SMIM36: variants seen among roughly 807,000 people sequenced by gnomAD.
The protein encoded by SMIM36 is small integral membrane protein 36.
intron 2 of SMIM36, 120 bp from the exon 3 acceptor site, chr17:55,478,933 C>G (rs1053878690): frequency 1.3e-5 from 2 of 152,212 alleles, no homozygotes; most frequent in Non-Finnish European, 2.9e-5. Context: ...AACCCCTTTG[C>G]AGCAGCAGGG....
At chr17:55,461,554 A>C (rs539507977) in intron 4 of SMIM36, among the ~76,000 whole-genome samples, 32 of 152,294 alleles carry the variant, frequency 2.1e-4, no homozygotes, top group Non-Finnish European at 3.8e-4. Context: ...GTGAGCTGTG[A>C]TCATGCCACT....
chr17:55,483,938 A>T (rs895962569), intron 1 of SMIM36, among the ~76,000 whole-genome samples: 1 of 152,094 alleles, frequency 6.6e-6, no homozygotes, highest in Admixed American at 6.6e-5. Context: ...TGTGTCAACT[A>T]ATTTCTTAAA....
At chr17:55,518,845 A>T in the SMIM36 span, among the ~76,000 whole-genome samples, 2 of 152,312 alleles carry the variant, frequency 1.3e-5, no homozygotes, top group Admixed American at 6.5e-5. Flanking sequence ...GAGAAAAGGA[A>T]AAGTTCCTTG....
At position 55,464,369 on chromosome 17, in the gene SMIM36, T is replaced by C. The variant is rs1909199587; in HGVS notation, c.*531+2776A>G. ...TGTATCTATTGCAGTGCTACTTGTC[T>C]AGGGTCAGTTCCCATTCAGTGCTTT... is the stretch of plus-strand genomic sequence containing the variant. On this transcript the variant is annotated intron_variant, in intron 4 of 4. Coordinates refer to ENST00000636752, the Ensembl canonical transcript of SMIM36. 2.0e-5 allele frequency among the ~76,000 whole-genome samples: 3 copies of C among 152,180 alleles called. No individual in the cohort carries two copies. The South Asian group carries it at 6.2e-4, about 31-fold the overall frequency.
At chr17:55,491,777 C>G (rs562460624) in intron 1 of SMIM36, among the ~76,000 whole-genome samples, 1 of 152,246 alleles carries the variant, frequency 6.6e-6, no homozygotes, top group African/African-American at 2.4e-5. Context: ...GCTGATAGAA[C>G]AGAAATAAAG....
intron 1 of SMIM36, among the ~76,000 whole-genome samples, chr17:55,497,486 G>A (rs1416436120): frequency 2.0e-5 from 3 of 151,968 alleles, no homozygotes; most frequent in Non-Finnish European, 4.4e-5. Context: ...GGCTGGTCTC[G>A]AACTCCTACC....
At chr17:55,465,789 C>T (rs1314918030) in intron 4 of SMIM36, among the ~76,000 whole-genome samples, 1 of 152,140 alleles carries the variant, frequency 6.6e-6, no homozygotes, top group Non-Finnish European at 1.5e-5. Context: ...GGTTCCCAAA[C>T]TTGGCTGTGC....
upstream of SMIM36, among the ~76,000 whole-genome samples, chr17:55,515,880 A>G (rs1424889497): frequency 6.6e-6 from 1 of 152,270 alleles, no homozygotes; most frequent in African/African-American, 2.4e-5. Flanking sequence ...TAATGTGTGA[A>G]TAAAACCAGA....
At chr17:55,526,879 T>C in the SMIM36 span, 1 of 152,226 alleles carries the variant, frequency 6.6e-6, no homozygotes, top group Non-Finnish European at 1.5e-5. Flanking sequence ...TGGAATTATC[T>C]GTGGGGAATG....
chr17:55,491,448 C>G (rs77920642), intron 1 of SMIM36, among the ~76,000 whole-genome samples: 1 of 152,056 alleles, frequency 6.6e-6, no homozygotes, highest in Admixed American at 6.6e-5. Context: ...GAAACAACCC[C>G]ACTAGGGCAG....
chr17:55,524,930 A>G, the SMIM36 span, among the ~76,000 whole-genome samples: 1 of 152,156 alleles, frequency 6.6e-6, no homozygotes, highest in African/African-American at 2.4e-5. Flanking sequence ...ACTGCTTTAC[A>G]TGCACTGAGC....
At chr17:55,482,800 C>G (rs1466868840) in intron 1 of SMIM36, among the ~76,000 whole-genome samples, 1 of 152,156 alleles carries the variant, frequency 6.6e-6, no homozygotes, top group Admixed American at 6.5e-5. Context: ...AAAATTAGTG[C>G]TCTTACTCTT....
the SMIM36 span, among the ~76,000 whole-genome samples, chr17:55,520,585 T>G: frequency 6.6e-6 from 1 of 152,316 alleles, no homozygotes; most frequent in Admixed American, 6.5e-5. Context: ...GCAGGTAGCA[T>G]GTACAGTGCG....
Position 55,510,870 on chromosome 17 carries a change from G to A in SMIM36, c.*174+9C>T, listed in dbSNP as rs1481668846. ...AGAATTTGACTAAAGACCACTTTGGGCTTCTTACCTTAAACAGTTACTTTT... is the reference window on the plus strand; with the variant it reads ...AGAATTTGACTAAAGACCACTTTGGACTTCTTACCTTAAACAGTTACTTTT... On this transcript the variant is annotated intron_variant, in intron 1 of 4. Coordinates refer to ENST00000636752, the Ensembl canonical transcript of SMIM36. 1 of 373,840 alleles carries A rather than the reference G, an allele frequency of 2.7e-6. No homozygotes were observed. Among genetic ancestry groups the A allele is most frequent in the Non-Finnish European group, 4.7e-6 (1 of 210,866 alleles). The allele number at this position is 373,840 out of a possible 1,614,324, so 23.2% of individuals were successfully genotyped here.
At chr17:55,514,156 T>C (rs1910227618), upstream of SMIM36, among the ~76,000 whole-genome samples, 1 of 152,152 alleles carries the variant, frequency 6.6e-6, no homozygotes, top group Non-Finnish European at 1.5e-5. Flanking sequence ...CACCCATCTT[T>C]CCTTCTTTTG....
chr17:55,462,560 A>G (rs1721524237), intron 4 of SMIM36, among the ~76,000 whole-genome samples: 1 of 152,194 alleles, frequency 6.6e-6, no homozygotes, highest in African/African-American at 2.4e-5. Flanking sequence ...GAGCTATGAC[A>G]GAACCACTGC....
intron 3 of SMIM36, among the ~76,000 whole-genome samples, chr17:55,469,755 G>A (rs543256125): frequency 2.6e-5 from 4 of 152,230 alleles, no homozygotes; most frequent in Admixed American, 1.3e-4. Flanking sequence ...CGAGGTAGGC[G>A]GATCATGAGG....
chr17:55,501,243 T>G (rs1769409753), intron 1 of SMIM36, among the ~76,000 whole-genome samples: 1 of 73,978 alleles, frequency 1.4e-5, no homozygotes, highest in Non-Finnish European at 2.3e-5. Context: ...ATATATAATA[T>G]AGTATTATAT....
chr17:55,465,297 G>T (rs1400118128), intron 4 of SMIM36, among the ~76,000 whole-genome samples: 1 of 152,184 alleles, frequency 6.6e-6, no homozygotes, highest in East Asian at 1.9e-4. Context: ...CCTTGGGGAA[G>T]TTATTTAACT....
Sources: allele counts gnomAD v4.1 joint callset (sites outside exome capture counted in the v4.1 genomes callset), GRCh38; gene constraint gnomAD v4.1.1; transcripts MANE v1.5; gene names NCBI Gene and HGNC (gene_info 2026-07-23, HGNC 2026-07-21).